The following DOCK4 variants were observed in gnomAD, a reference collection of about 807,000 sequenced individuals.
The protein encoded by DOCK4 is dedicator of cytokinesis 4.
Under a neutral mutation model 268.1 loss-of-function variants are expected in DOCK4, and 97 were observed. That is an observed-to-expected ratio of 0.36 (90% confidence interval 0.31 to 0.43). The LOEUF (loss-of-function observed/expected upper bound fraction) is 0.43, where lower values mean the gene tolerates loss of function less well. Among genes scored for constraint, DOCK4 ranks in the 20% least tolerant of loss-of-function variants. The pLI is 1.00. For synonymous variants in DOCK4, 954 were observed against 887.2 expected, an observed-to-expected ratio of 1.08 and a Z score of -1.34; for missense variants, 2,145 against 2,455.7, an observed-to-expected ratio of 0.87 and a Z score of 2.67.
intron 1 of DOCK4, among the ~76,000 whole-genome samples, chr7:112,134,211 CACT>C (rs993023320): frequency 2.0e-5 from 3 of 152,132 alleles, no homozygotes; most frequent in Non-Finnish European, 2.9e-5. Flanking sequence ...GTGGAGCTTT[CACT>C]ACAATAGCAA....
chr7:112,186,804 T>G (rs111493281), intron 1 of DOCK4, among the ~76,000 whole-genome samples: 2,819 of 152,210 alleles, frequency 0.019, 35 homozygotes, highest in Non-Finnish European at 0.029. Context: ...AAACAAAACA[T>G]GTCAGTTCTC....
chr7:112,028,640 C>G (rs1270738779), intron 1 of DOCK4, among the ~76,000 whole-genome samples: 1 of 152,210 alleles, frequency 6.6e-6, no homozygotes, highest in Non-Finnish European at 1.5e-5. Flanking sequence ...CAACTTGGAT[C>G]AAGCAAAATG....
chr7:111,731,627 C>T (rs1000383495), intron 52 of DOCK4, among the ~76,000 whole-genome samples: 6 of 152,270 alleles, frequency 3.9e-5, no homozygotes, highest in African/African-American at 7.2e-5. Context: ...CAAACCAATT[C>T]GAATGTCTGA....
At chr7:111,933,083 T>A (rs1291143488) in intron 12 of DOCK4, among the ~76,000 whole-genome samples, 1 of 143,656 alleles carries the variant, frequency 7.0e-6, no homozygotes, top group African/African-American at 2.6e-5. Context: ...TATACACATA[T>A]ATATACGTAT....
intron 8 of DOCK4, among the ~76,000 whole-genome samples, chr7:111,973,389 T>A (rs1007139153): frequency 6.6e-6 from 1 of 151,936 alleles, no homozygotes; most frequent in Non-Finnish European, 1.5e-5. Flanking sequence ...AACTATACCA[T>A]CTTTTGTCCA....
intron 1 of DOCK4, among the ~76,000 whole-genome samples, chr7:112,062,258 C>T (rs1390167280): frequency 6.6e-6 from 1 of 152,040 alleles, no homozygotes; most frequent in East Asian, 1.9e-4. Flanking sequence ...AAATTTTAGA[C>T]CTAAACAGCT....
chr7:112,163,857 G>A (rs372595980), intron 1 of DOCK4, among the ~76,000 whole-genome samples: 47 of 152,232 alleles, frequency 3.1e-4, no homozygotes, highest in African/African-American at 1.1e-3. Context: ...ACTGCAAGGG[G>A]CTAAGCAAGC....
chr7:111,781,858 A>G (rs1254926479), intron 35 of DOCK4, among the ~76,000 whole-genome samples: 1 of 152,210 alleles, frequency 6.6e-6, no homozygotes, highest in East Asian at 1.9e-4. Context: ...ACAAAATCAA[A>G]GTAGGGGCAA....
At chr7:111,898,805 T>A (rs1161739625) in intron 15 of DOCK4, among the ~76,000 whole-genome samples, 1 of 152,216 alleles carries the variant, frequency 6.6e-6, no homozygotes, top group Non-Finnish European at 1.5e-5. Context: ...AAAAAACCTA[T>A]GAGGAATTTT....
intron 1 of DOCK4, among the ~76,000 whole-genome samples, chr7:112,057,493 G>A (rs1427400849): frequency 6.6e-6 from 1 of 151,744 alleles, no homozygotes; most frequent in African/African-American, 2.4e-5. Flanking sequence ...CAAGGCTGTA[G>A]TGGACCATGA....
At chr7:111,877,745 C>T (rs541880750) in intron 16 of DOCK4, among the ~76,000 whole-genome samples, 12 of 152,284 alleles carry the variant, frequency 7.9e-5, no homozygotes, top group African/African-American at 2.9e-4. Flanking sequence ...CCAGCTAACA[C>T]ATGTAAAAGC....
intron 1 of DOCK4, among the ~76,000 whole-genome samples, chr7:112,054,814 T>G (rs1409404534): frequency 6.6e-6 from 1 of 152,204 alleles, no homozygotes; most frequent in African/African-American, 2.4e-5. Context: ...TTCAAAGCCC[T>G]TTGTACTTAT....
chr7:111,951,167 T>C (rs1343913703), intron 8 of DOCK4, among the ~76,000 whole-genome samples: 1 of 152,182 alleles, frequency 6.6e-6, no homozygotes, highest in African/African-American at 2.4e-5. Context: ...CCTTTCTTCT[T>C]CCAACAATGA....
chr7:111,906,288 C>T (rs1286143057), intron 13 of DOCK4, among the ~76,000 whole-genome samples: 2 of 151,978 alleles, frequency 1.3e-5, no homozygotes, highest in African/African-American at 4.8e-5. Context: ...ATGGTGTCAT[C>T]CAGACCATAA....
chr7:111,813,928 G>T (rs1165642103), intron 27 of DOCK4, among the ~76,000 whole-genome samples: 2 of 152,160 alleles, frequency 1.3e-5, no homozygotes, highest in African/African-American at 4.8e-5. Context: ...GTTTAAAGAA[G>T]AAAAATCTGT....
At chr7:111,731,017 T>G (rs1795047431) in intron 52 of DOCK4, among the ~76,000 whole-genome samples, 1 of 152,202 alleles carries the variant, frequency 6.6e-6, no homozygotes, top group African/African-American at 2.4e-5. Context: ...GGGAGCTCTG[T>G]GTGAGTAAGG....
chr7:112,167,137 C>T (rs1035870796), intron 1 of DOCK4, among the ~76,000 whole-genome samples: 3 of 152,138 alleles, frequency 2.0e-5, no homozygotes, highest in Non-Finnish European at 4.4e-5. Context: ...GGACCAATGT[C>T]CCAGCATCTC....
At chr7:112,161,720 C>G (rs570900424) in intron 1 of DOCK4, among the ~76,000 whole-genome samples, 115 of 152,274 alleles carry the variant, frequency 7.6e-4, no homozygotes, top group East Asian at 2.7e-3. Flanking sequence ...GACTTGAGCT[C>G]TGGTACAGTC....
chr7:111,772,521 C>G (rs1798186575), intron 36 of DOCK4, among the ~76,000 whole-genome samples: 2 of 152,174 alleles, frequency 1.3e-5, no homozygotes, highest in African/African-American at 4.8e-5. Flanking sequence ...AGAGGCCAGG[C>G]ACAGTGGTTC....
Sources: allele counts gnomAD v4.1 joint callset (sites outside exome capture counted in the v4.1 genomes callset), GRCh38; gene constraint gnomAD v4.1.1; transcripts MANE v1.5; gene names NCBI Gene and HGNC (gene_info 2026-07-23, HGNC 2026-07-21).